Variants in CDH7 observed in about 807,000 individuals in gnomAD.
The protein encoded by CDH7 is cadherin 7.
In CDH7, 25 loss-of-function variants were observed where a neutral mutation model predicts 71.8. The observed-to-expected ratio is 0.35, with a 90% CI of 0.25 to 0.49. The LOEUF is 0.49. CDH7 is among the 20% of genes least tolerant of loss of function. The probability of loss-of-function intolerance (pLI) is 0.99; values close to 1 mark genes in which losing one functional copy is unlikely to be tolerated. For synonymous variants in CDH7, 381 were observed against 363.8 expected (o/e 1.05, Z -0.54); for missense variants, 862 against 974.6 (o/e 0.88, Z 1.54).
chr18:65,880,023 T>G (rs1914174700), intron 11 of CDH7, among the ~76,000 whole-genome samples: 1 of 152,208 alleles, frequency 6.6e-6, no homozygotes, highest in Admixed American at 6.5e-5. Flanking sequence ...ATTTATGAAT[T>G]TCAATTTGCC....
intron 2 of CDH7, among the ~76,000 whole-genome samples, chr18:65,804,196 C>G (rs927534350): frequency 6.6e-6 from 1 of 151,936 alleles, no homozygotes; most frequent in East Asian, 1.9e-4. Context: ...GCAAAGACAT[C>G]AAAAAGTGCA....
At chr18:65,875,410 T>G (rs564248467) in intron 11 of CDH7, among the ~76,000 whole-genome samples, 2 of 152,202 alleles carry the variant, frequency 1.3e-5, no homozygotes, top group Non-Finnish European at 2.9e-5. Context: ...CATTTTCCAG[T>G]TTACTGTGCA....
intron 4 of CDH7, among the ~76,000 whole-genome samples, chr18:65,819,479 C>CT (rs141329442): frequency 0.039 from 5,969 of 152,162 alleles, 171 homozygotes; most frequent in Non-Finnish European, 0.061. Context: ...GTGGGCTTGC[C>CT]TGTTTAGTAT....
intron 1 of CDH7, among the ~76,000 whole-genome samples, chr18:65,758,633 A>G (rs1257648882): frequency 1.3e-5 from 2 of 152,222 alleles, no homozygotes; most frequent in Admixed American, 1.3e-4. Flanking sequence ...GTGCACTCTG[A>G]TAGAACTTGG....
At chr18:65,774,623 C>CGGCG (rs1909867896) in intron 2 of CDH7, among the ~76,000 whole-genome samples, 1 of 151,926 alleles carries the variant, frequency 6.6e-6, no homozygotes, top group African/African-American at 2.4e-5. Flanking sequence ...ACGATTTCCT[C>CGGCG]GGGGCCGTCA....
chr18:65,758,199 G>T (rs2143776757), intron 1 of CDH7, among the ~76,000 whole-genome samples: 1 of 152,272 alleles, frequency 6.6e-6, no homozygotes, highest in South Asian at 2.1e-4. Flanking sequence ...GATTACTTCT[G>T]GTTGACAACC....
chr18:65,796,771 G>A lies in CDH7; in HGVS notation c.211-12933G>A, dbSNP rs536084970. On this transcript the variant is annotated intron_variant, in intron 2 of 11. Transcript: ENST00000397968. ...AGCAGTTTTAATATCATGCTGACTC[G>A]CTTGAGCAATTCTAATTATGTTGCT... Among the ~76,000 whole-genome samples the A allele has an allele frequency of 1.3e-4, 20 of 152,172 alleles. No individual in the cohort carries two copies. The East Asian group carries it at 3.1e-3, about 24-fold the overall frequency.
intron 2 of CDH7, among the ~76,000 whole-genome samples, chr18:65,789,463 ATTTTTTTGTTTGTT>A (rs895499153): frequency 2.4e-4 from 32 of 132,126 alleles, no homozygotes; most frequent in South Asian, 4.9e-4. Flanking sequence ...TACATGTGCT[ATTTTTTTGTTTGTT>A]TTTTTTTGTT....
chr18:65,873,047 C>T lies in CDH7; in HGVS notation c.1865-7354C>T, dbSNP rs144480820. ...AGAAGACAGATTTTTTAATAAACTT[C>T]ATGTAAATCAACAGGATCAATAAAT... On this transcript the variant is annotated intron_variant, in intron 11 of 11. Coordinates refer to ENST00000397968, the MANE Select transcript of CDH7 (RefSeq NM_004361.5). Among the ~76,000 whole-genome samples the T allele has an allele frequency of 6.7e-3, 1,017 of 151,956 alleles. 12 individuals are homozygous for T. The highest frequency in any genetic ancestry group is 0.034 in the East Asian group (175 of 5,172).
At chr18:65,878,067 A>G (rs1339381805) in intron 11 of CDH7, among the ~76,000 whole-genome samples, 1 of 152,172 alleles carries the variant, frequency 6.6e-6, no homozygotes, top group Non-Finnish European at 1.5e-5. Context: ...TTATGTGTCT[A>G]AGACAACCAT....
intron 2 of CDH7, among the ~76,000 whole-genome samples, chr18:65,784,923 G>A (rs1910457556): frequency 6.6e-6 from 1 of 152,072 alleles, no homozygotes; most frequent in Admixed American, 6.6e-5. Flanking sequence ...TGGAGTCCTT[G>A]TAAGCCATTA....
chr18:65,766,416 A>G (rs1055179043), intron 2 of CDH7, among the ~76,000 whole-genome samples: 1 of 152,138 alleles, frequency 6.6e-6, no homozygotes, highest in East Asian at 1.9e-4. Context: ...TATGATAACC[A>G]AAGACCAAAG....
chr18:65,814,373 A>T, intron 3 of CDH7, 112 bp from the exon 4 acceptor site: 1 of 1,223,412 alleles, frequency 8.2e-7, no homozygotes, highest in African/African-American at 1.5e-5. Context: ...CTTGAAAAAG[A>T]TAAATGAAAA....
In CDH7 at chr18:65,886,019, G is replaced by A. The variant is rs1039358365; in HGVS notation, c.*5125G>A. The A allele has an allele frequency of 2.6e-5, 4 of 152,116 alleles. No individual in the cohort carries two copies. The highest frequency in any genetic ancestry group is 9.7e-5 in the African/African-American group (4 of 41,412). 9.4% of individuals were successfully genotyped at this position (152,116 alleles called of 1,614,324 possible). ...GTTACTGGGCTTTGGTGTCAGTGTG[G>A]TATACCAGAAATTACCTCTGGTCTG... On this transcript the variant is annotated 3_prime_UTR_variant, in exon 12 of 12. Coordinates refer to ENST00000397968, the MANE Select transcript of CDH7 (RefSeq NM_004361.5).
intron 4 of CDH7, among the ~76,000 whole-genome samples, chr18:65,820,830 A>C (rs769893361): frequency 1.3e-5 from 2 of 152,174 alleles, no homozygotes; most frequent in Non-Finnish European, 1.5e-5. Context: ...TGAGAGGATG[A>C]GGCTGCAGTG....
At chr18:65,793,547 A>G (rs1310428717) in intron 2 of CDH7, among the ~76,000 whole-genome samples, 1 of 152,190 alleles carries the variant, frequency 6.6e-6, no homozygotes, top group African/African-American at 2.4e-5. Context: ...ATATTATCAC[A>G]GCTAAGTCTG....
chr18:65,822,387 TAG>T, intron 5 of CDH7, 139 bp downstream of exon 5: 1 of 643,708 alleles, frequency 1.6e-6, no homozygotes. Flanking sequence ...TGCATTTTAT[TAG>T]AGACATAATT....
chr18:65,872,917 A>T (rs1030271652), intron 11 of CDH7, among the ~76,000 whole-genome samples: 8 of 151,850 alleles, frequency 5.3e-5, no homozygotes, highest in Non-Finnish European at 1.2e-4. Flanking sequence ...TTAAAAAATT[A>T]AAATGTCTAT....
intron 11 of CDH7, chr18:65,866,397 A>G (rs1174547239): frequency 6.6e-6 from 1 of 150,970 alleles, no homozygotes; most frequent in Admixed American, 6.6e-5. Flanking sequence ...AAAAAAAAAA[A>G]AGGTACTTGA....
Sources: allele counts gnomAD v4.1 joint callset (sites outside exome capture counted in the v4.1 genomes callset), GRCh38; gene constraint gnomAD v4.1.1; transcripts MANE v1.5; gene names NCBI Gene and HGNC (gene_info 2026-07-23, HGNC 2026-07-21).